Variants in MAN2B1 observed in about 807,000 individuals in gnomAD.
MAN2B1 encodes lysosomal alpha-mannosidase.
In MAN2B1, 99 loss-of-function variants were observed where a neutral mutation model predicts 127.5. The observed-to-expected ratio is 0.78, with a 90% CI of 0.66 to 0.92. The LOEUF is 0.92. Among genes scored for constraint, MAN2B1 ranks in the 40% least tolerant of loss-of-function variants. The pLI is 0.00. For missense variants in MAN2B1, 1,304 were observed against 1,384.8 expected, an observed-to-expected ratio of 0.94 and a Z score of 0.93; for synonymous variants, 573 against 568.8, an observed-to-expected ratio of 1.01 and a Z score of -0.11.
In MAN2B1 at chr19:12,665,749, ATGTG is replaced by A. The variant is rs2145290731; in HGVS notation, c.212_215del (p.Thr71MetfsTer85). 1 of 1,614,144 alleles carries A rather than the reference ATGTG, an allele frequency of 6.2e-7. No individual in the cohort carries two copies. Among genetic ancestry groups the A allele is most frequent in the Non-Finnish European group, 8.5e-7 (1 of 1,180,022 alleles). ...CGGTTTTGAGCCAGCCCACGTCATC[ATGTG>A]TGTGAGGCAGCAGGTGCACGTTCAG... is the stretch of plus-strand genomic sequence containing the variant. On this transcript the variant is annotated frameshift_variant, in exon 2 of 24. Transcript: ENST00000456935. LOFTEE classifies it high-confidence loss of function.
rs1310571408 is a variant in MAN2B1 at position 12,647,191 on chromosome 19, G to C, written c.2923+42C>G. 1 of 1,557,648 alleles carries C rather than the reference G, an allele frequency of 6.4e-7. No homozygotes were observed. On this transcript the variant is annotated intron_variant, in intron 23 of 23. Coordinates refer to ENST00000456935, the MANE Select transcript of MAN2B1 (RefSeq NM_000528.4). This position sits in a 1 kb window ranked among gnomAD's most constrained non-coding sequence, Gnocchi z 4.9. The stretch of plus-strand genomic sequence containing the variant: ...ACATTGCCCCCACCTGCCGGCCCCA[G>C]GTAAGACTCCACCCCTTCCCTACCC...
rs1470171650 is a variant in MAN2B1, at chr19:12,648,803, T to C, written c.2436+333A>G. Among the ~76,000 whole-genome samples, 9 of 152,276 alleles carry C rather than the reference T, an allele frequency of 5.9e-5. No homozygotes were observed. The East Asian group carries it at 1.7e-3, about 29-fold the overall frequency. ...TGAGGTAAGGAGTTCGAGACCAGCC[T>C]GGCCAACATGGTGAAACCCCATCTC... is the stretch of plus-strand genomic sequence containing the variant. On this transcript the variant is annotated intron_variant, in intron 20 of 23. Transcript: ENST00000456935.
intron 4 of MAN2B1, among the ~76,000 whole-genome samples, chr19:12,664,396 C>G (rs1165761102): frequency 2.0e-5 from 3 of 151,884 alleles, no homozygotes; most frequent in Admixed American, 6.6e-5. Context: ...AGGCCTGACT[C>G]CAGGAATGAG....
intron 1 of MAN2B1, 80 bp from the exon 2 acceptor site, chr19:12,665,885 G>GCCTGCCTTGATCTAGAGTAAGTCT: frequency 8.9e-7 from 1 of 1,129,928 alleles, no homozygotes; most frequent in Non-Finnish European, 1.3e-6. Flanking sequence ...TGATCTAGAG[G>GCCTGCCTTGATCTAGAGTAAGTCT]TGAGTGACTC....
In MAN2B1 at chr19:12,648,160, C is replaced by A; in HGVS notation, c.2664+15G>T. 6.5e-7 allele frequency: 1 copy of A among 1,533,320 alleles called. No individual in the cohort carries two copies. The highest frequency in any genetic ancestry group is 8.7e-7 in the Non-Finnish European group (1 of 1,145,202). The allele number at this position is 1,533,320 out of a possible 1,614,324, so 95.0% of individuals were successfully genotyped here. A position where few individuals can be genotyped will look rare whatever the true frequency, so the allele number is the denominator to read the frequency against. On this transcript the variant is annotated intron_variant, in intron 21 of 23. Coordinates refer to ENST00000456935, the MANE Select transcript of MAN2B1 (RefSeq NM_000528.4). Reference sequence around the variant, plus strand: ...CTTCAATCCGGTCCTCTCTGCCTACCCCGCTGCCCCTCACCTGCGTGCGCG... The same window carrying A: ...CTTCAATCCGGTCCTCTCTGCCTACACCGCTGCCCCTCACCTGCGTGCGCG...
Position 12,649,429 on chromosome 19 carries a change from C to CTGGGGT in MAN2B1, c.2268-7_2268-2dup. The CTGGGGT allele has an allele frequency of 6.3e-7, 1 of 1,592,286 alleles. No individual in the cohort carries two copies. The highest frequency in any genetic ancestry group is 1.7e-4 in the Middle Eastern group (1 of 5,858). Reference sequence around the variant, plus strand: ...TTTCCAGGTGGGTCGATAATCCCGCCTGGGGTTGGGGGTGAGCTGATCAGG... The same window carrying CTGGGGT: ...TTTCCAGGTGGGTCGATAATCCCGCCTGGGGTTGGGGTTGGGGGTGAGCTGATCAGG... On this transcript the variant is annotated splice_acceptor_variant, in intron 18 of 23. Transcript: ENST00000456935. LOFTEE classifies it high-confidence loss of function.
chr19:12,664,968 T>C lies in MAN2B1; in HGVS notation c.454A>G (p.Asn152Asp). 6.2e-7 allele frequency: 1 copy of C among 1,613,832 alleles called. No individual in the cohort carries two copies. Among genetic ancestry groups the C allele is most frequent in the Non-Finnish European group, 8.5e-7 (1 of 1,180,040 alleles). ...TCATCGTTCATCACCCAGCCACCAT[T>C]GGCGAACTCCAGGCGCCCTGTGCCA... is the stretch of plus-strand genomic sequence containing the variant. ...LVRQGRLEFA[N>D]GGWVMNDEAA... is the part of the protein sequence containing the mutation. The change falls in exon 4 of 24, where the codon AAT becomes GAT. Residue 152 changes from asparagine to aspartate, a missense_variant. Coordinates refer to ENST00000456935, the MANE Select transcript of MAN2B1 (RefSeq NM_000528.4).
At chr19:12,652,552 G>C (rs2023865148) in intron 14 of MAN2B1, 92 bp from the exon 15 acceptor site, 1 of 796,472 alleles carries the variant, frequency 1.3e-6, no homozygotes, top group Non-Finnish European at 2.0e-6. Context: ...TTTTTTTTGA[G>C]ACTGAGTCTC....
Position 12,666,716 on chromosome 19 carries a change from C to A in MAN2B1, c.-15G>T. The A allele has an allele frequency of 6.5e-7, 1 of 1,546,946 alleles. No homozygotes were observed. The highest frequency in any genetic ancestry group is 1.2e-5 in the South Asian group (1 of 83,972). On this transcript the variant is annotated 5_prime_UTR_variant, in exon 1 of 24. It adds an upstream start codon to the 5' untranslated region. Transcript: ENST00000456935. ...TAGGCGCCCATGGCTCAGCAGCTTC[C>A]TCCTGGGGTTCCCCGGCCCTGGAAA...
At chr19:12,664,404 G>A (rs972272596) in intron 4 of MAN2B1, among the ~76,000 whole-genome samples, 27 of 152,158 alleles carry the variant, frequency 1.8e-4, no homozygotes, top group Admixed American at 1.2e-3. Context: ...CTCCAGGAAT[G>A]AGGTTCCCCC....
Position 12,648,312 on chromosome 19 carries a change from G to T in MAN2B1, c.2527C>A (p.Leu843Met). The T allele has an allele frequency of 1.2e-6, 2 of 1,613,416 alleles. No homozygotes were observed. The highest frequency in any genetic ancestry group is 1.7e-6 in the Non-Finnish European group (2 of 1,179,904). Residue 843 changes from leucine to methionine, a missense_variant, in exon 21 of 24, where the codon CTG becomes ATG. Transcript: ENST00000456935. ...GSGAWVRGRH[L>M]VLLDTAQAAA... Reference sequence around the variant, plus strand: ...GCCTGGGCTGTGTCCAGCAGCACCAGGTGGCGCCCTCGCACCCACGCCCCC... The same window carrying T: ...GCCTGGGCTGTGTCCAGCAGCACCATGTGGCGCCCTCGCACCCACGCCCCC...
chr19:12,652,322 G>A, intron 15 of MAN2B1, 41 bp downstream of exon 15: 1 of 1,608,522 alleles, frequency 6.2e-7, no homozygotes, highest in Non-Finnish European at 8.5e-7. Flanking sequence ...TCCATGCCGA[G>A]CACCACCACC....
chr19:12,655,304 G>A (rs1323285472), intron 14 of MAN2B1, among the ~76,000 whole-genome samples: 3 of 152,152 alleles, frequency 2.0e-5, no homozygotes, highest in African/African-American at 4.8e-5. Flanking sequence ...TCTCCTGCTC[G>A]AAGGCTTTTA....
chr19:12,654,021 G>A (rs1005025339), intron 14 of MAN2B1, among the ~76,000 whole-genome samples: 2 of 150,242 alleles, frequency 1.3e-5, no homozygotes, highest in Non-Finnish European at 3.0e-5. Context: ...GCCCACCCCA[G>A]CCTTTTCTTT....
intron 23 of MAN2B1, 142 bp from the exon 24 acceptor site, chr19:12,646,874 G>T: frequency 3.0e-6 from 2 of 664,746 alleles, no homozygotes; most frequent in Non-Finnish European, 5.3e-6. Context: ...CTCTTAACCT[G>T]CTTCCCCGGC....
chr19:12,664,735 C>A (rs1172688916), intron 4 of MAN2B1, 57 bp downstream of exon 4: 27 of 1,546,838 alleles, frequency 1.7e-5, no homozygotes, highest in Non-Finnish European at 2.3e-5. Context: ...TTTGACTGGG[C>A]GAGGGAGGAG....
chr19:12,657,330 G>GC, intron 11 of MAN2B1, 116 bp downstream of exon 11: 3 of 921,380 alleles, frequency 3.3e-6, no homozygotes, highest in Non-Finnish European at 4.9e-6. Flanking sequence ...AGCCCTTGTA[G>GC]CCCCGCCACA....
At chr19:12,664,559 TA>T (rs990035963) in intron 4 of MAN2B1, among the ~76,000 whole-genome samples, 8 of 151,456 alleles carry the variant, frequency 5.3e-5, no homozygotes, top group Admixed American at 4.6e-4. Context: ...AGGGGCCTAT[TA>T]GGGGAGAGGG....
intron 5 of MAN2B1, 48 bp downstream of exon 5, chr19:12,663,655 C>G: frequency 6.3e-7 from 1 of 1,577,476 alleles, no homozygotes; most frequent in Non-Finnish European, 8.6e-7. Context: ...CAGGGCCCTT[C>G]TGAGTGTGTG....
Sources: gnomAD v4.1 joint callset for allele counts (sites outside exome capture counted in the v4.1 genomes callset) on GRCh38, gnomAD v4.1.1 for gene constraint, Gnocchi (gnomAD v3.1) non-coding constraint, MANE v1.5 for transcripts, NCBI Gene and HGNC (gene_info 2026-07-23, HGNC 2026-07-21) for gene names.